Variants in FLI1 observed in about 807,000 individuals in gnomAD.
FLI1 encodes the protein Friend leukemia integration 1 transcription factor.
A neutral mutation model predicts 53.1 loss-of-function variants in FLI1; 13 were observed. That is an observed-to-expected ratio of 0.24 (90% CI 0.16 to 0.39). The LOEUF (loss-of-function observed/expected upper bound fraction) is 0.39, where lower values mean the gene tolerates loss of function less well. Among genes scored for constraint, FLI1 ranks in the 10% least tolerant of loss-of-function variants. FLI1 has a pLI of 1.00. For missense variants in FLI1, 424 were observed against 600.5 expected (o/e 0.71, Z 3.07); for synonymous variants, 244 against 236.7 (o/e 1.03, Z -0.28).
rs567772163 is a variant in FLI1 at position 128,758,165 on chromosome 11, C to T, written c.69C>T (p.Tyr23=). The part of the protein sequence containing the change: ...SDDQSLFDSA[Y]GAAAHLPKAD... ...ACCAGTCCCTCTTTGACTCAGCGTA[C>T]GGAGCGGCAGCCCATCTCCCCAAGG... Residue 23 remains tyrosine (Y), a synonymous_variant, in exon 2 of 9, where the codon TAC becomes TAT. Transcript: ENST00000527786. The T allele has an allele frequency of 2.2e-5, 35 of 1,613,510 alleles. No individual in the cohort carries two copies. The South Asian group carries it at 2.5e-4, about 12-fold the overall frequency.
chr11:128,720,799 T>C (rs1173168602), intron 1 of FLI1, among the ~76,000 whole-genome samples: 2 of 152,208 alleles, frequency 1.3e-5, no homozygotes, highest in East Asian at 1.9e-4. Context: ...CCTGCCTCTC[T>C]TTCTGCCCCT....
At chr11:128,686,299 G>A (rs1409620028), upstream of FLI1, 1 of 455,606 alleles carries the variant, frequency 2.2e-6, no homozygotes, top group Non-Finnish European at 4.4e-6. Flanking sequence ...AACAAGCTGC[G>A]GGCATCCCCA....
At position 128,811,123 on chromosome 11, in the gene FLI1, T is replaced by C. The variant is rs1252850161; in HGVS notation, c.*135T>C. On this transcript the variant is annotated 3_prime_UTR_variant, in exon 9 of 9. Transcript: ENST00000527786. Reference sequence around the variant, plus strand: ...TCTTTCTTGTTGGATAGAACCTTTGTATTTGTTCTTTAAAAACATTTTTTT... The same window carrying C: ...TCTTTCTTGTTGGATAGAACCTTTGCATTTGTTCTTTAAAAACATTTTTTT... 2 of 855,376 alleles carry C rather than the reference T, an allele frequency of 2.3e-6. No homozygotes were observed. The highest frequency in any genetic ancestry group is 2.6e-5 in the Admixed American group (1 of 38,996). 53.0% of individuals were successfully genotyped at this position (855,376 alleles called of 1,614,324 possible).
intron 2 of FLI1, among the ~76,000 whole-genome samples, chr11:128,762,540 A>G (rs1325656802): frequency 6.6e-6 from 1 of 152,242 alleles, no homozygotes; most frequent in East Asian, 1.9e-4. Flanking sequence ...TTGATTATTT[A>G]TTATGCTGAA....
chr11:128,767,879 A>G (rs571823824), intron 2 of FLI1, among the ~76,000 whole-genome samples: 10 of 152,352 alleles, frequency 6.6e-5, no homozygotes, highest in Non-Finnish European at 1.0e-4. Flanking sequence ...GTCTGAGGGC[A>G]CTGAGGCGCT....
chr11:128,779,745 T>C (rs1484139753), intron 4 of FLI1, among the ~76,000 whole-genome samples: 4 of 152,136 alleles, frequency 2.6e-5, no homozygotes, highest in Non-Finnish European at 5.9e-5. Flanking sequence ...AAGAGGCAGG[T>C]CTAATTTTAA....
At chr11:128,723,105 G>A (rs1431856800) in intron 1 of FLI1, among the ~76,000 whole-genome samples, 1 of 152,120 alleles carries the variant, frequency 6.6e-6, no homozygotes. Context: ...CCGCTCTGAA[G>A]GCTCCACCTC....
chr11:128,770,279 C>T (rs1353682752), intron 3 of FLI1, among the ~76,000 whole-genome samples: 6 of 152,250 alleles, frequency 3.9e-5, no homozygotes, highest in Admixed American at 6.5e-5. Flanking sequence ...TTTCAAAGCA[C>T]TTTCAGGCTA....
chr11:128,715,721 C>T (rs1053245044), intron 1 of FLI1, among the ~76,000 whole-genome samples: 1 of 152,074 alleles, frequency 6.6e-6, no homozygotes, highest in African/African-American at 2.4e-5. Flanking sequence ...GAATTCCACC[C>T]GTAAAGGTCA....
intron 1 of FLI1, among the ~76,000 whole-genome samples, chr11:128,754,276 T>TGC (rs1555116474): frequency 8.1e-4 from 120 of 148,818 alleles, no homozygotes; most frequent in African/African-American, 1.5e-3. Context: ...TGTGTGTGTG[T>TGC]GCACATATGC....
chr11:128,692,678 C>G (rs1253995760), upstream of FLI1: 1 of 152,210 alleles, frequency 6.6e-6, no homozygotes, highest in African/African-American at 2.4e-5. Context: ...TGTGGACACC[C>G]TTTTGAAATT....
intron 1 of FLI1, among the ~76,000 whole-genome samples, chr11:128,730,950 A>G (rs532797164): frequency 2.0e-5 from 3 of 152,348 alleles, no homozygotes; most frequent in Admixed American, 2.0e-4. Context: ...TGAAGAAACC[A>G]AAAGGTGTAA....
chr11:128,700,829 C>T (rs930825656), intron 1 of FLI1, among the ~76,000 whole-genome samples: 8 of 152,120 alleles, frequency 5.3e-5, no homozygotes, highest in East Asian at 1.9e-4. Context: ...CAGCCATGAG[C>T]GCCACTGTAT....
intron 1 of FLI1, chr11:128,696,114 C>G (rs573992897): frequency 1.3e-4 from 20 of 152,334 alleles, no homozygotes; most frequent in Non-Finnish European, 2.1e-4. Context: ...TGGCAGGCCT[C>G]GAGAACAGGC....
upstream of FLI1, among the ~76,000 whole-genome samples, chr11:128,690,033 T>C (rs1159570026): frequency 2.0e-5 from 3 of 152,262 alleles, no homozygotes; most frequent in African/African-American, 7.2e-5. Flanking sequence ...CTGCAGAGCC[T>C]TCCTGCAGAA....
At chr11:128,746,815 G>A (rs1940410848) in intron 1 of FLI1, among the ~76,000 whole-genome samples, 1 of 152,154 alleles carries the variant, frequency 6.6e-6, no homozygotes, top group Admixed American at 6.5e-5. Context: ...TTCAGTAAAG[G>A]ATGGTTAAAA....
upstream of FLI1, chr11:128,686,130 G>C (rs989567304): frequency 1.2e-5 from 4 of 339,486 alleles, no homozygotes; most frequent in African/African-American, 4.3e-5. Context: ...GCAGAGAAAG[G>C]GTGGTGAGGA....
chr11:128,734,972 G>A (rs1046770086), intron 1 of FLI1, among the ~76,000 whole-genome samples: 8 of 152,140 alleles, frequency 5.3e-5, no homozygotes, highest in African/African-American at 1.2e-4. Context: ...GTGCAGCCTC[G>A]TGGAAAGGGC....
chr11:128,766,978 T>TTCCCATCGTCTCCTTC (rs1941366421), intron 2 of FLI1, among the ~76,000 whole-genome samples: 1 of 107,836 alleles, frequency 9.3e-6, no homozygotes, highest in African/African-American at 2.7e-5. Context: ...TCGTCTCCTT[T>TTCCCATCGTCTCCTTC]GGTCCTGCTG....
Sources: gnomAD v4.1 joint callset for allele counts (sites outside exome capture counted in the v4.1 genomes callset) on GRCh38, gnomAD v4.1.1 for gene constraint, MANE v1.5 for transcripts, NCBI Gene and HGNC (gene_info 2026-07-23, HGNC 2026-07-21) for gene names.